The following OCA2 variants were observed in gnomAD, a reference collection of about 807,000 sequenced individuals.
OCA2 encodes the protein P protein.
A neutral mutation model predicts 100.2 loss-of-function variants in OCA2; 77 were observed. The ratio of observed to expected loss-of-function variants is 0.77; its 90% CI spans 0.64 to 0.93. The LOEUF is 0.93. Among genes scored for constraint, OCA2 ranks in the 40% least tolerant of loss-of-function variants. The pLI is 0.00. For synonymous variants in OCA2, 432 were observed against 439.2 expected (o/e 0.98, Z 0.21); for missense variants, 1,062 against 1,089.1 (o/e 0.98, Z 0.35).
chr15:27,961,227 C>T (rs1436584602), intron 15 of OCA2, among the ~76,000 whole-genome samples: 1 of 152,010 alleles, frequency 6.6e-6, no homozygotes, highest in South Asian at 2.1e-4. Flanking sequence ...ATTAGAGAAA[C>T]GCAAATCAAA....
chr15:27,954,885 G>T (rs560028049), intron 17 of OCA2, among the ~76,000 whole-genome samples: 1 of 152,172 alleles, frequency 6.6e-6, no homozygotes, highest in African/African-American at 2.4e-5. Flanking sequence ...TGGTGGTCAG[G>T]GACACCCGCT....
intron 2 of OCA2, among the ~76,000 whole-genome samples, chr15:28,041,155 AT>A (rs1488486901): frequency 6.6e-6 from 1 of 152,170 alleles, no homozygotes; most frequent in Non-Finnish European, 1.5e-5. Flanking sequence ...TATTAAAAGT[AT>A]TATACACCAT....
chr15:27,826,090 T>C lies in OCA2; in HGVS notation c.2432+18869A>G, dbSNP rs184368181. Among the ~76,000 whole-genome samples the C allele has an allele frequency of 1.6e-3, 243 of 152,288 alleles. 1 individual carries two copies. The highest frequency in any genetic ancestry group is 5.2e-3 in the African/African-American group (217 of 41,576). On this transcript the variant is annotated intron_variant, in intron 23 of 23. Transcript: ENST00000354638. Reference sequence around the variant, plus strand: ...CATGAGCCACCATTAGGAGCTTTTTTACATAGGTCCATAGGAAACTGGGCT... The same window carrying C: ...CATGAGCCACCATTAGGAGCTTTTTCACATAGGTCCATAGGAAACTGGGCT...
intron 2 of OCA2, 71 bp downstream of exon 2, chr15:28,081,577 G>T: frequency 1.4e-6 from 2 of 1,449,730 alleles, no homozygotes; most frequent in Non-Finnish European, 9.6e-7. Context: ...ACAAACGTGG[G>T]GGAACGATGC....
chr15:27,871,319 C>G (rs2036564638), intron 20 of OCA2, 61 bp from the exon 21 acceptor site: 13 of 1,310,538 alleles, frequency 9.9e-6, no homozygotes, highest in Non-Finnish European at 1.4e-5. Flanking sequence ...TCAGACCCAC[C>G]AGCCGCGAGA....
At chr15:27,989,916 A>G (rs904765823) in intron 10 of OCA2, among the ~76,000 whole-genome samples, 6 of 152,134 alleles carry the variant, frequency 3.9e-5, no homozygotes, top group Non-Finnish European at 7.4e-5. Flanking sequence ...GGCAGCTCCC[A>G]CATGGCGGGA....
chr15:27,992,073 C>T (rs748905889), intron 9 of OCA2, among the ~76,000 whole-genome samples: 1 of 148,848 alleles, frequency 6.7e-6, no homozygotes, highest in Non-Finnish European at 1.5e-5. Context: ...TCCTTCTGTT[C>T]GTTCTCTGCT....
intron 2 of OCA2, among the ~76,000 whole-genome samples, chr15:28,056,175 G>A (rs1401213987): frequency 1.3e-5 from 2 of 152,098 alleles, no homozygotes; most frequent in Non-Finnish European, 2.9e-5. Flanking sequence ...GGAGAGCCTC[G>A]CTCCACAGCC....
At chr15:28,097,803 T>C (rs2045013310) in intron 1 of OCA2, among the ~76,000 whole-genome samples, 1 of 152,210 alleles carries the variant, frequency 6.6e-6, no homozygotes, top group Admixed American at 6.5e-5. Context: ...AGCTCACCAG[T>C]GCTTCCCTGC....
chr15:27,767,887 CA>C (rs1437702953), intron 23 of OCA2, among the ~76,000 whole-genome samples: 1 of 152,096 alleles, frequency 6.6e-6, no homozygotes, highest in Non-Finnish European at 1.5e-5. Flanking sequence ...GTTGCTCAAA[CA>C]AAACAAAACA....
intron 2 of OCA2, among the ~76,000 whole-genome samples, chr15:28,032,628 A>AC (rs1395975820): frequency 3.0e-5 from 4 of 134,988 alleles, no homozygotes; most frequent in African/African-American, 1.3e-4. Context: ...TACTAAAAAT[A>AC]CAAAAAAAAA....
intron 23 of OCA2, among the ~76,000 whole-genome samples, chr15:27,771,843 A>AC (rs2031893236): frequency 6.6e-6 from 1 of 151,924 alleles, no homozygotes. Flanking sequence ...AATAATGTTT[A>AC]CCCCCCAAAA....
intron 23 of OCA2, among the ~76,000 whole-genome samples, chr15:27,769,278 G>C (rs2031529056): frequency 6.6e-6 from 1 of 152,224 alleles, no homozygotes. Context: ...GCACACGTCA[G>C]ATGGACGCCC....
intron 23 of OCA2, among the ~76,000 whole-genome samples, chr15:27,801,361 G>A (rs2033599483): frequency 6.6e-6 from 1 of 152,108 alleles, no homozygotes; most frequent in African/African-American, 2.4e-5. Flanking sequence ...AGACCATCCT[G>A]GCCAACATGG....
At chr15:27,920,588 G>A (rs2038822382) in intron 19 of OCA2, among the ~76,000 whole-genome samples, 1 of 152,130 alleles carries the variant, frequency 6.6e-6, no homozygotes, top group African/African-American at 2.4e-5. Flanking sequence ...CCTGGATGCT[G>A]AAGTTAGGAA....
At chr15:27,914,549 G>A (rs1435453189) in intron 19 of OCA2, among the ~76,000 whole-genome samples, 2 of 152,054 alleles carry the variant, frequency 1.3e-5, no homozygotes, top group African/African-American at 2.4e-5. Context: ...AAAATCAGGA[G>A]CATTTTCAAA....
At chr15:27,792,947 G>A (rs536176608) in intron 23 of OCA2, among the ~76,000 whole-genome samples, 1 of 152,338 alleles carries the variant, frequency 6.6e-6, no homozygotes, top group East Asian at 1.9e-4. Context: ...CCGAGTGCTG[G>A]CGTCCAGCAC....
intron 2 of OCA2, among the ~76,000 whole-genome samples, chr15:28,038,915 T>C (rs769284745): frequency 6.6e-6 from 1 of 152,218 alleles, no homozygotes; most frequent in Non-Finnish European, 1.5e-5. Context: ...AGTTCAATTA[T>C]ATGCTGTCTA....
rs995829540 is a variant in OCA2, at chr15:28,027,981, C to T, written c.405G>A (p.Glu135=). Residue 135 remains glutamate, a synonymous_variant, in exon 4 of 24, where the codon GAG becomes GAA. Transcript: ENST00000354638. ...CCTCCCTGCTTAGCAGGTATCTTCG[C>T]TCCCAGTCAGCAGAGCTGTCTTCCC... ...ESWEDSSADW[E]RRYLLSREVS... 5.6e-6 allele frequency: 9 copies of T among 1,614,116 alleles called. No homozygotes were observed. Among genetic ancestry groups the T allele is most frequent in the African/African-American group, 4.0e-5 (3 of 74,934 alleles).
Sources: allele counts gnomAD v4.1 joint callset (sites outside exome capture counted in the v4.1 genomes callset), GRCh38; gene constraint gnomAD v4.1.1; transcripts MANE v1.5; gene names NCBI Gene and HGNC (gene_info 2026-07-23, HGNC 2026-07-21).